The following DRD3 variants were observed in gnomAD, a reference collection of about 807,000 sequenced individuals.
DRD3 encodes the protein dopamine receptor D3, also known as D(3) dopamine receptor.
A neutral mutation model predicts 36.3 loss-of-function variants in DRD3; 19 were observed. The observed-to-expected ratio is 0.52, with a 90% CI of 0.36 to 0.77. DRD3 has a LOEUF of 0.77. Among genes scored for constraint, DRD3 ranks in the 30% least tolerant of loss-of-function variants. The pLI, the probability that DRD3 is intolerant of heterozygous loss-of-function variation, is 0.00. For synonymous variants in DRD3, 195 were observed against 203.7 expected, an observed-to-expected ratio of 0.96 and a Z score of 0.36; for missense variants, 465 against 505.3, an observed-to-expected ratio of 0.92 and a Z score of 0.77.
intron 4 of DRD3, among the ~76,000 whole-genome samples, chr3:114,142,341 C>A (rs1265683243): frequency 6.6e-6 from 1 of 152,160 alleles, no homozygotes; most frequent in Non-Finnish European, 1.5e-5. Flanking sequence ...GGTGGCACTG[C>A]CCATCTTGTT....
chr3:114,128,771 T>C lies in DRD3; in HGVS notation c.1148A>G (p.Tyr383Cys). The stretch of plus-strand genomic sequence containing the variant: ...CCGGAACTCGATATTGAAGGTGGTA[T>C]AGATCACAGGGTTGAGGGCGCTATT... ...YVNSALNPVI[Y>C]TTFNIEFRKA... Residue 383 changes from tyrosine to cysteine, a missense_variant, in exon 7 of 7, where the codon TAT becomes TGT. Transcript: ENST00000383673. 6.2e-7 allele frequency: 1 copy of C among 1,613,566 alleles called. No homozygotes were observed. Among genetic ancestry groups the C allele is most frequent in the Non-Finnish European group, 8.5e-7 (1 of 1,179,814 alleles).
rs559377210 is a variant in DRD3, at chr3:114,137,905, G to A, written c.723+1595C>T. 3.7e-3 allele frequency among the ~76,000 whole-genome samples: 550 copies of A among 150,206 alleles called. 4 individuals are homozygous for A. Among genetic ancestry groups the A allele is most frequent in the African/African-American group, 0.013 (516 of 40,974 alleles). ...CCCAGCTACTCGGGAGGCTGAGGCA[G>A]GAGAATGGCGTGAACCCGGGAGGCG... On this transcript the variant is annotated intron_variant, in intron 5 of 6. Coordinates refer to ENST00000383673, the MANE Select transcript of DRD3 (RefSeq NM_000796.6).
At chr3:114,164,358 C>T (rs2077763255) in intron 2 of DRD3, among the ~76,000 whole-genome samples, 1 of 149,300 alleles carries the variant, frequency 6.7e-6, no homozygotes, top group Non-Finnish European at 1.5e-5. Context: ...GGTGGTGTTA[C>T]TCTTACTTGC....
At chr3:114,191,269 C>G (rs6801068) in intron 1 of DRD3, among the ~76,000 whole-genome samples, 67,435 of 152,046 alleles carry the variant, frequency 0.44, 16,833 homozygotes, top group African/African-American at 0.68. Context: ...CAGTGAATGG[C>G]TGACTATGGT....
Position 114,171,791 on chromosome 3 carries a change from C to T in DRD3, c.202G>A (p.Val68Ile), listed in dbSNP as rs371939561. The T allele has an allele frequency of 9.3e-6, 15 of 1,613,872 alleles. No individual in the cohort carries two copies. Among genetic ancestry groups the T allele is most frequent in the South Asian group, 7.7e-5 (7 of 91,038 alleles). The change falls in exon 2 of 7, where the codon GTA (valine) becomes ATA (isoleucine). Residue 68 changes from valine (V) to isoleucine (I), a missense_variant. Physicochemically the swap from Val to Ile is conservative, Grantham distance 29. Transcript: ENST00000383673. Reference protein sequence around the residue: ...RALQTTTNYLVVSLAVADLLV... With the variant: ...RALQTTTNYLIVSLAVADLLV... ...AAGTCTGCCACAGCCAGGCTCACTACTAAGTAGTTGGTGGTAGTCTGCAGG... is the reference window on the plus strand; with the variant it reads ...AAGTCTGCCACAGCCAGGCTCACTATTAAGTAGTTGGTGGTAGTCTGCAGG...
intron 5 of DRD3, among the ~76,000 whole-genome samples, chr3:114,138,429 T>C (rs757345127): frequency 2.0e-5 from 3 of 152,214 alleles, no homozygotes; most frequent in Non-Finnish European, 2.9e-5. Flanking sequence ...AGGCACGTCT[T>C]ACATGGCAGC....
chr3:114,177,819 C>G (rs1412650029), intron 1 of DRD3, among the ~76,000 whole-genome samples: 1 of 152,140 alleles, frequency 6.6e-6, no homozygotes, highest in Non-Finnish European at 1.5e-5. Context: ...ATAAGACATC[C>G]TAATGCCATG....
chr3:114,189,032 C>T (rs539576301), intron 1 of DRD3, among the ~76,000 whole-genome samples: 1 of 152,168 alleles, frequency 6.6e-6, no homozygotes, highest in South Asian at 2.1e-4. Flanking sequence ...AGTCTTTGTC[C>T]ACTTGTACGT....
intron 4 of DRD3, among the ~76,000 whole-genome samples, chr3:114,145,283 G>A (rs1282766581): frequency 6.6e-6 from 1 of 152,170 alleles, no homozygotes; most frequent in Non-Finnish European, 1.5e-5. Context: ...AACTCATAAA[G>A]CACATTTAGC....
chr3:114,158,255 GA>G (rs35903033), intron 3 of DRD3, among the ~76,000 whole-genome samples: 137 of 142,800 alleles, frequency 9.6e-4, no homozygotes, highest in Middle Eastern at 7.2e-3. Flanking sequence ...CTGCAAAAAA[GA>G]AAAAAAAAAA....
chr3:114,142,369 G>A lies in DRD3; in HGVS notation c.527-2673C>T, dbSNP rs114204126. ...ATCTTGTTGTCATCCTTGGTGTCCC[G>A]GATATTCCCTGTTGGTCCCTCCACC... is the stretch of plus-strand genomic sequence containing the variant. On this transcript the variant is annotated intron_variant, in intron 4 of 6. Transcript: ENST00000383673. Among the ~76,000 whole-genome samples, 1,389 of 152,244 alleles carry A rather than the reference G, an allele frequency of 9.1e-3. 21 individuals are homozygous for A. The highest frequency in any genetic ancestry group is 0.031 in the African/African-American group (1,278 of 41,524).
At chr3:114,194,029 T>C (rs755550187) in intron 1 of DRD3, among the ~76,000 whole-genome samples, 1 of 152,258 alleles carries the variant, frequency 6.6e-6, no homozygotes, top group Non-Finnish European at 1.5e-5. Flanking sequence ...TGTCTGATCA[T>C]GTGCTCTGAT....
chr3:114,198,581 A>G (rs1406363436), intron 1 of DRD3, among the ~76,000 whole-genome samples: 1 of 151,746 alleles, frequency 6.6e-6, no homozygotes, highest in Non-Finnish European at 1.5e-5. Flanking sequence ...TAGATTTTAT[A>G]CATAGATTAC....
At chr3:114,191,317 A>C (rs1457332825) in intron 1 of DRD3, among the ~76,000 whole-genome samples, 1 of 152,204 alleles carries the variant, frequency 6.6e-6, no homozygotes, top group Non-Finnish European at 1.5e-5. Context: ...AAGAGGTGAC[A>C]GATAAGCTCA....
At chr3:114,139,443 G>T in intron 5 of DRD3, 57 bp downstream of exon 5, 1 of 1,542,598 alleles carries the variant, frequency 6.5e-7, no homozygotes, top group Non-Finnish European at 8.8e-7. Context: ...CTGGACACAG[G>T]CTGGGAAGTC....
intron 3 of DRD3, among the ~76,000 whole-genome samples, chr3:114,156,739 TTCTTTTTCTTTC>T (rs1181544430): frequency 1.9e-4 from 2 of 10,302 alleles, no homozygotes; most frequent in African/African-American, 3.2e-4. Flanking sequence ...CTTTCTTTCT[TTCTTTTTCTTTC>T]TTTCTTTCTT....
chr3:114,144,250 G>C (rs149170708), intron 4 of DRD3, among the ~76,000 whole-genome samples: 1 of 152,354 alleles, frequency 6.6e-6, no homozygotes, highest in African/African-American at 2.4e-5. Flanking sequence ...TCACAATTTC[G>C]TGTGGCAGCC....
chr3:114,155,043 T>C (rs1159810548), intron 3 of DRD3, among the ~76,000 whole-genome samples: 1 of 152,218 alleles, frequency 6.6e-6, no homozygotes, highest in East Asian at 1.9e-4. Flanking sequence ...AAAACCCTTT[T>C]ATCATTTCCT....
chr3:114,182,168 G>T (rs1308872474), upstream of DRD3, among the ~76,000 whole-genome samples: 2 of 152,128 alleles, frequency 1.3e-5, no homozygotes, highest in Non-Finnish European at 2.9e-5. Context: ...GCAGTGAGTG[G>T]TCCAGTAGTA....
Sources: allele counts gnomAD v4.1 joint callset (sites outside exome capture counted in the v4.1 genomes callset), GRCh38; gene constraint gnomAD v4.1.1; transcripts MANE v1.5; gene names NCBI Gene and HGNC (gene_info 2026-07-23, HGNC 2026-07-21).